The following PSMD11 variants were observed in gnomAD, a reference collection of about 807,000 sequenced individuals.
PSMD11 encodes the protein proteasome 26S subunit, non-ATPase 11, also known as 26S proteasome non-ATPase regulatory subunit 11.
A neutral mutation model predicts 62.3 loss-of-function variants in PSMD11; 5 were observed. The ratio of observed to expected loss-of-function variants is 0.08; its 90% CI spans 0.04 to 0.17. The LOEUF (loss-of-function observed/expected upper bound fraction) is 0.17. PSMD11 is among the 10% of genes least tolerant of loss of function. The pLI, the probability that PSMD11 is intolerant of heterozygous loss-of-function variation, is 1.00. For missense variants in PSMD11, 310 were observed against 512.9 expected, an observed-to-expected ratio of 0.60 and a Z score of 3.82; for synonymous variants, 191 against 191.8, an observed-to-expected ratio of 1.00 and a Z score of 0.03.
chr17:32,470,993 G>A (rs1908148021), intron 6 of PSMD11, among the ~76,000 whole-genome samples: 1 of 152,214 alleles, frequency 6.6e-6, no homozygotes, highest in Non-Finnish European at 1.5e-5. Flanking sequence ...GAAGGTTCCT[G>A]CTGGTATTGA....
chr17:32,472,419 T>A (rs1246372662), intron 6 of PSMD11, among the ~76,000 whole-genome samples: 1 of 151,672 alleles, frequency 6.6e-6, no homozygotes, highest in Non-Finnish European at 1.5e-5. Context: ...GATGGCGTTT[T>A]GCCTTGTTGG....
chr17:32,457,543 A>AT (rs1386510516), intron 3 of PSMD11, among the ~76,000 whole-genome samples: 3 of 152,036 alleles, frequency 2.0e-5, no homozygotes, highest in African/African-American at 4.8e-5. Context: ...GCTAAGGCTG[A>AT]TTTTTTTGAT....
At chr17:32,468,769 G>C (rs745762692) in intron 5 of PSMD11, among the ~76,000 whole-genome samples, 1 of 152,130 alleles carries the variant, frequency 6.6e-6, no homozygotes, top group African/African-American at 2.4e-5. Flanking sequence ...AGGACTGTTG[G>C]CTCTAATATT....
chr17:32,474,162 C>T, intron 7 of PSMD11: 1 of 577,410 alleles, frequency 1.7e-6, no homozygotes, highest in South Asian at 2.1e-5. Flanking sequence ...TTAGAAATCC[C>T]CTTCCCAGCT....
At chr17:32,461,581 G>GAAA (rs35497067) in intron 3 of PSMD11, among the ~76,000 whole-genome samples, 3 of 138,678 alleles carry the variant, frequency 2.2e-5, no homozygotes, top group African/African-American at 8.0e-5. Context: ...CAAAAGAAAA[G>GAAA]AAAAAAAAAA....
intron 10 of PSMD11, chr17:32,479,580 A>C: frequency 1.3e-6 from 1 of 771,988 alleles, no homozygotes; most frequent in South Asian, 1.8e-5. Context: ...TTGCCCCTGC[A>C]TGTGTTCTGA....
At chr17:32,461,088 T>C (rs1239795864) in intron 3 of PSMD11, among the ~76,000 whole-genome samples, 2 of 151,898 alleles carry the variant, frequency 1.3e-5, no homozygotes, top group Non-Finnish European at 2.9e-5. Context: ...GCACTTTTTC[T>C]TTTTTTTGAG....
At position 32,480,792 on chromosome 17, in the gene PSMD11, G is replaced by A. The variant is rs543844394; in HGVS notation, c.*40G>A. 3.1e-5 allele frequency: 23 copies of A among 746,338 alleles called. 1 individual carries two copies. The highest frequency in any genetic ancestry group is 1.9e-4 in the South Asian group (7 of 37,024). 46.2% of individuals were successfully genotyped at this position (746,338 alleles called of 1,614,324 possible). ...CGGTCCTTTGGAGAGTGTGTGTGGC[G>A]GGAGAGTGAAACCTTGGGGGAAAAT... is the stretch of plus-strand genomic sequence containing the variant. On this transcript the variant is annotated 3_prime_UTR_variant, in exon 14 of 14. Coordinates refer to ENST00000261712, the MANE Select transcript of PSMD11 (RefSeq NM_002815.4).
intron 7 of PSMD11, among the ~76,000 whole-genome samples, chr17:32,474,493 T>C (rs1181488219): frequency 2.0e-5 from 3 of 152,224 alleles, no homozygotes; most frequent in African/African-American, 7.2e-5. Context: ...CTTAAACTTA[T>C]AGTTCTGCTT....
intron 12 of PSMD11, 132 bp from the exon 13 acceptor site, chr17:32,480,357 A>C: frequency 1.4e-6 from 2 of 1,454,006 alleles, no homozygotes; most frequent in Non-Finnish European, 1.9e-6. Flanking sequence ...GCATGTGTAC[A>C]TGGAATAGGG....
rs1296505943 is a variant in PSMD11, at chr17:32,480,163, A to G, written c.1092A>G (p.Lys364=). The G allele has an allele frequency of 6.2e-7, 1 of 1,613,968 alleles. No individual in the cohort carries two copies. Among genetic ancestry groups the G allele is most frequent in the Non-Finnish European group, 8.5e-7 (1 of 1,179,812 alleles). The change falls in exon 12 of 14, where the codon AAA becomes AAG. Residue 364 remains lysine (K), a synonymous_variant. Coordinates refer to ENST00000261712, the MANE Select transcript of PSMD11 (RefSeq NM_002815.4). ...IKLSKADVER[K]LSQMILDKKF... ...GATTTTAGGCCGACGTGGAAAGGAA[A>G]TTATCACAGATGATTCTTGACAAGA... is the stretch of plus-strand genomic sequence containing the variant.
chr17:32,460,576 A>G (rs1907798124), intron 3 of PSMD11, among the ~76,000 whole-genome samples: 1 of 152,098 alleles, frequency 6.6e-6, no homozygotes, highest in African/African-American at 2.4e-5. Context: ...GATCGAGACT[A>G]TCCTGGCTAA....
intron 6 of PSMD11, among the ~76,000 whole-genome samples, chr17:32,469,950 C>T (rs1908112940): frequency 1.3e-5 from 2 of 151,936 alleles, no homozygotes; most frequent in Admixed American, 1.3e-4. Flanking sequence ...TAATAATTGG[C>T]ACATGATAGA....
intron 2 of PSMD11, among the ~76,000 whole-genome samples, chr17:32,448,208 CTTATTAA>C (rs1907386826): frequency 6.6e-6 from 1 of 151,844 alleles, no homozygotes; most frequent in South Asian, 2.1e-4. Context: ...AGATAACTAA[CTTATTAA>C]TTATTAGGCT....
intron 2 of PSMD11, 148 bp from the exon 3 acceptor site, chr17:32,454,347 G>T: frequency 1.4e-6 from 1 of 733,916 alleles, no homozygotes; most frequent in East Asian, 2.7e-5. Context: ...CTATTTGCTA[G>T]GAATGCTTTA....
chr17:32,478,733 A>T (rs755265108), intron 9 of PSMD11, among the ~76,000 whole-genome samples: 1 of 152,030 alleles, frequency 6.6e-6, no homozygotes, highest in African/African-American at 2.4e-5. Context: ...TTTCCCCCCC[A>T]TGGAGACCCT....
At chr17:32,465,720 T>TCCCA (rs1465657659) in intron 5 of PSMD11, among the ~76,000 whole-genome samples, 1 of 152,078 alleles carries the variant, frequency 6.6e-6, no homozygotes, top group African/African-American at 2.4e-5. Context: ...ATGCCTGTAA[T>TCCCA]CCCAGCACTT....
In PSMD11 at chr17:32,468,956, T is replaced by G; in HGVS notation, c.449-43T>G. The G allele has an allele frequency of 1.9e-6, 3 of 1,576,878 alleles. No individual in the cohort carries two copies. The African/African-American group carries it at 4.1e-5, about 21-fold the overall frequency. On this transcript the variant is annotated intron_variant, in intron 5 of 13. Coordinates refer to ENST00000261712, the MANE Select transcript of PSMD11 (RefSeq NM_002815.4). Reference sequence around the variant, plus strand: ...TGGGAGAGTGAGCTATTATTAGGTATTAAGCTGATGGCTATAAAGGAGAAT... The same window carrying G: ...TGGGAGAGTGAGCTATTATTAGGTAGTAAGCTGATGGCTATAAAGGAGAAT...
At chr17:32,459,069 C>A (rs1315161282) in intron 3 of PSMD11, among the ~76,000 whole-genome samples, 2 of 139,852 alleles carry the variant, frequency 1.4e-5, no homozygotes, top group African/African-American at 2.7e-5. Flanking sequence ...CACTCCAGCC[C>A]GGGCAAGAGT....
Sources: allele counts gnomAD v4.1 joint callset (sites outside exome capture counted in the v4.1 genomes callset), GRCh38; gene constraint gnomAD v4.1.1; transcripts MANE v1.5; gene names NCBI Gene and HGNC (gene_info 2026-07-23, HGNC 2026-07-21).